Variants in PPP4R3A observed in about 807,000 individuals in gnomAD.
The protein encoded by PPP4R3A is protein phosphatase 4 regulatory subunit 3A, also known as serine/threonine-protein phosphatase 4 regulatory subunit 3A.
Under a neutral mutation model 91.7 loss-of-function variants are expected in PPP4R3A, and 15 were observed. That is an observed-to-expected ratio of 0.16 (90% CI 0.11 to 0.25). The LOEUF (loss-of-function observed/expected upper bound fraction) is 0.25. Ranked by LOEUF, PPP4R3A falls within the 10% of genes least tolerant of loss-of-function variation. The probability of loss-of-function intolerance (pLI) is 1.00; values close to 1 mark genes in which losing one functional copy is unlikely to be tolerated. For synonymous variants in PPP4R3A, 377 were observed against 348.7 expected, an observed-to-expected ratio of 1.08 and a Z score of -0.91; for missense variants, 623 against 998.4, an observed-to-expected ratio of 0.62 and a Z score of 5.07.
In PPP4R3A at chr14:91,509,821, C is replaced by T. The variant is rs923430266; in HGVS notation, c.-174G>A. ...CCGCCTGCATGGCCCGCTCCAGGGA[C>T]CGAGCTCTGGGCCGCCGCCTTTCCT... On this transcript the variant is annotated 5_prime_UTR_variant, in exon 1 of 15. Coordinates refer to ENST00000554943, the MANE Select transcript of PPP4R3A (RefSeq NM_001366432.2). 11 of 1,200,052 alleles carry T rather than the reference C, an allele frequency of 9.2e-6. No individual in the cohort carries two copies. Among genetic ancestry groups the T allele is most frequent in the Non-Finnish European group, 1.1e-5 (11 of 970,672 alleles). 74.3% of individuals were successfully genotyped at this position (1,200,052 alleles called of 1,614,324 possible).
At chr14:91,501,405 T>C (rs1408882396) in intron 1 of PPP4R3A, among the ~76,000 whole-genome samples, 5 of 152,194 alleles carry the variant, frequency 3.3e-5, no homozygotes, top group Non-Finnish European at 7.3e-5. Flanking sequence ...CAGGGACTTA[T>C]GTACTATGCT....
At chr14:91,497,379 C>CGT in intron 1 of PPP4R3A, among the ~76,000 whole-genome samples, 1 of 134,328 alleles carries the variant, frequency 7.4e-6, no homozygotes, top group South Asian at 2.3e-4. Context: ...CACACACACA[C>CGT]GATACCTTTT....
intron 1 of PPP4R3A, among the ~76,000 whole-genome samples, chr14:91,498,347 A>T (rs989223160): frequency 8.5e-5 from 13 of 152,164 alleles, no homozygotes; most frequent in Non-Finnish European, 7.3e-5. Flanking sequence ...AAAAAAAAAA[A>T]AAGACACTCT....
intron 14 of PPP4R3A, among the ~76,000 whole-genome samples, chr14:91,461,160 G>A (rs1188812251): frequency 6.6e-6 from 1 of 152,102 alleles, no homozygotes; most frequent in Non-Finnish European, 1.5e-5. Flanking sequence ...ATACCCAAGT[G>A]AGAATTCACA....
intron 10 of PPP4R3A, 108 bp from the exon 11 acceptor site, chr14:91,465,527 A>C: frequency 1.1e-6 from 1 of 929,774 alleles, no homozygotes; most frequent in Non-Finnish European, 1.5e-6. Flanking sequence ...AACACATATC[A>C]ATAATTATTT....
chr14:91,462,306 T>TTA, intron 12 of PPP4R3A, 67 bp from the exon 13 acceptor site: 1 of 1,376,470 alleles, frequency 7.3e-7, no homozygotes, highest in East Asian at 2.7e-5. Context: ...ACAGATGACT[T>TTA]ATTAAACTTG....
chr14:91,478,218 C>A (rs1659602392), intron 4 of PPP4R3A, among the ~76,000 whole-genome samples: 1 of 152,210 alleles, frequency 6.6e-6, no homozygotes, highest in African/African-American at 2.4e-5. Flanking sequence ...CAAATGGCAT[C>A]CAATTTCAAG....
At chr14:91,479,241 C>T (rs1262427615) in intron 4 of PPP4R3A, among the ~76,000 whole-genome samples, 1 of 150,840 alleles carries the variant, frequency 6.6e-6, no homozygotes, top group Non-Finnish European at 1.5e-5. Context: ...CCTCAGTCTC[C>T]CAAAGACCTA....
Position 91,509,511 on chromosome 14 carries a change from C to A in PPP4R3A, c.137G>T (p.Ser46Ile). Residue 46 changes from serine (S) to isoleucine (I), a missense_variant, in exon 1 of 15, where the codon AGC (serine) becomes ATC (isoleucine). By Grantham distance (142) the Ser-to-Ile change is moderately radical. Transcript: ENST00000554943. Reference sequence around the variant, plus strand: ...CCGCGCGGGGCTTCACTTACCGTCGCTCTCAGCCCTGACAAGCAGGGACAT... The same window carrying A: ...CCGCGCGGGGCTTCACTTACCGTCGATCTCAGCCCTGACAAGCAGGGACAT... Reference protein sequence around the residue: ...KGMSLLVRAESDGSLLLESKI... With the variant: ...KGMSLLVRAEIDGSLLLESKI... 1 of 1,591,236 alleles carries A rather than the reference C, an allele frequency of 6.3e-7. No individual in the cohort carries two copies.
At chr14:91,484,953 C>T (rs925166023) in intron 3 of PPP4R3A, among the ~76,000 whole-genome samples, 4 of 152,068 alleles carry the variant, frequency 2.6e-5, no homozygotes, top group African/African-American at 9.6e-5. Context: ...AAATTAAGAA[C>T]ATTCGAGCCT....
rs766250846 is a variant in PPP4R3A, at chr14:91,468,667, C to CAAAAAAAAAAAAAAAAAA, written c.1660+2152_1660+2169dup. 8.9e-4 allele frequency among the ~76,000 whole-genome samples: 40 copies of CAAAAAAAAAAAAAAAAAA among 45,042 alleles called. 2 individuals carry two copies. The highest frequency in any genetic ancestry group is 3.5e-3 in the East Asian group (2 of 576). The allele number at this position is 45,042 out of a possible 152,430, so 29.5% of individuals were successfully genotyped here. A position where few individuals can be genotyped will look rare whatever the true frequency, so the allele number is the denominator to read the frequency against. On this transcript the variant is annotated intron_variant, in intron 10 of 14. Transcript: ENST00000554943. ...AAGGCGACAGAGTGAGACTCCGTCT[C>CAAAAAAAAAAAAAAAAAA]AAAAAAAAAAAAAAAAAAAAAAGGA...
Position 91,510,000 on chromosome 14 carries a change from C to T in PPP4R3A, c.-353G>A. 1.0e-6 allele frequency: 1 copy of T among 981,612 alleles called. No individual in the cohort carries two copies. The highest frequency in any genetic ancestry group is 1.2e-6 in the Non-Finnish European group (1 of 822,202). 60.8% of individuals were successfully genotyped at this position (981,612 alleles called of 1,614,324 possible). A position where few individuals can be genotyped will look rare whatever the true frequency, so the allele number is the denominator to read the frequency against. On this transcript the variant is annotated 5_prime_UTR_variant, in exon 1 of 15. Transcript: ENST00000554943. ...CCTGCTCCCGCCTCCGCCATGATCT[C>T]CGCGAAGCAGCTTCCCGCGCCGCCG...
At chr14:91,486,553 T>C (rs1199124854) in intron 2 of PPP4R3A, among the ~76,000 whole-genome samples, 1 of 152,162 alleles carries the variant, frequency 6.6e-6, no homozygotes, top group African/African-American at 2.4e-5. Flanking sequence ...ACACTGCACA[T>C]ACAATACTTA....
intron 14 of PPP4R3A, among the ~76,000 whole-genome samples, chr14:91,459,792 G>A (rs932113624): frequency 8.6e-5 from 13 of 150,702 alleles, no homozygotes; most frequent in South Asian, 4.2e-4. Context: ...CTAAGATCAC[G>A]CCACTGCACT....
chr14:91,461,255 A>ATCCTCTAGT, intron 14 of PPP4R3A, 126 bp downstream of exon 14: 1 of 843,564 alleles, frequency 1.2e-6, no homozygotes. Context: ...GGGGGGACTC[A>ATCCTCTAGT]TCCTCTAGTT....
intron 3 of PPP4R3A, among the ~76,000 whole-genome samples, chr14:91,483,932 A>G (rs1307006032): frequency 6.6e-6 from 1 of 152,214 alleles, no homozygotes; most frequent in African/African-American, 2.4e-5. Context: ...TTCAGGTTTG[A>G]GTTACACATT....
chr14:91,486,492 A>G (rs1387769929), intron 2 of PPP4R3A, among the ~76,000 whole-genome samples: 1 of 152,210 alleles, frequency 6.6e-6, no homozygotes, highest in Admixed American at 6.5e-5. Context: ...AACTTTAATG[A>G]AAATTTAATG....
rs1889245073 is a variant in PPP4R3A at position 91,476,892 on chromosome 14, A to G, written c.993+17T>C. On this transcript the variant is annotated intron_variant, in intron 5 of 14. Transcript: ENST00000554943. ...GTTGTTTTATTTTTATGCCTTTCATAGTATCTAATTTCTTACCAATTCCTG... is the reference window on the plus strand; with the variant it reads ...GTTGTTTTATTTTTATGCCTTTCATGGTATCTAATTTCTTACCAATTCCTG... The G allele has an allele frequency of 6.4e-7, 1 of 1,570,090 alleles. No individual in the cohort carries two copies.
chr14:91,498,307 C>T (rs1261812524), intron 1 of PPP4R3A, among the ~76,000 whole-genome samples: 1 of 151,746 alleles, frequency 6.6e-6, no homozygotes, highest in Non-Finnish European at 1.5e-5. Flanking sequence ...TGCACTCCAG[C>T]CTAATTGACA....
Sources: gnomAD v4.1 joint callset for allele counts (sites outside exome capture counted in the v4.1 genomes callset) on GRCh38, gnomAD v4.1.1 for gene constraint, MANE v1.5 for transcripts, NCBI Gene and HGNC (gene_info 2026-07-23, HGNC 2026-07-21) for gene names.